Variants in JMY observed in about 807,000 individuals in gnomAD.
JMY encodes junction-mediating and -regulatory protein.
In JMY, 46 loss-of-function variants were observed where a neutral mutation model predicts 103.3. The ratio of observed to expected loss-of-function variants is 0.45; its 90% CI spans 0.35 to 0.57. The LOEUF (loss-of-function observed/expected upper bound fraction) is 0.57, where lower values mean the gene tolerates loss of function less well. Among genes scored for constraint, JMY ranks in the 20% least tolerant of loss-of-function variants. The pLI, the probability that JMY is intolerant of heterozygous loss-of-function variation, is 0.00. For synonymous variants in JMY, 526 were observed against 489.3 expected, an observed-to-expected ratio of 1.07 and a Z score of -0.99; for missense variants, 1,238 against 1,255.2, an observed-to-expected ratio of 0.99 and a Z score of 0.21.
chr5:79,238,904 C>T (rs1270199263), intron 1 of JMY, among the ~76,000 whole-genome samples: 1 of 152,140 alleles, frequency 6.6e-6, no homozygotes, highest in African/African-American at 2.4e-5. Flanking sequence ...ACCTCGTGAT[C>T]CGCCCGCCTC....
chr5:79,325,799 A>G lies in JMY; in HGVS notation c.*4197A>G, dbSNP rs1747621129. On this transcript the variant is annotated 3_prime_UTR_variant, in exon 11 of 11. Coordinates refer to ENST00000396137, the MANE Select transcript of JMY (RefSeq NM_152405.5). ...TAGTGTAATTTAAAAGTTTTCCTAC[A>G]AAGTGAGTTTATATTGTTGCCTAAA... 6.6e-6 allele frequency: 1 copy of G among 152,170 alleles called. No individual in the cohort carries two copies. The highest frequency in any genetic ancestry group is 6.5e-5 in the Admixed American group (1 of 15,270). The allele number at this position is 152,170 out of a possible 1,614,324, so 9.4% of individuals were successfully genotyped here.
At chr5:79,258,311 G>GTTTTTTTTTTTTTTT (rs1491360478) in intron 1 of JMY, among the ~76,000 whole-genome samples, 2 of 81,810 alleles carry the variant, frequency 2.4e-5, no homozygotes, top group African/African-American at 6.4e-5. Context: ...TTTTGTTTTT[G>GTTTTTTTTTTTTTTT]TTGTTTTTTT....
intron 4 of JMY, among the ~76,000 whole-genome samples, chr5:79,294,104 A>G (rs1324219110): frequency 1.3e-5 from 2 of 152,224 alleles, no homozygotes; most frequent in Non-Finnish European, 2.9e-5. Flanking sequence ...TGATGATAAA[A>G]TTAAAATGCC....
At chr5:79,302,655 C>G (rs1328681638) in intron 6 of JMY, among the ~76,000 whole-genome samples, 1 of 152,146 alleles carries the variant, frequency 6.6e-6, no homozygotes, top group African/African-American at 2.4e-5. Context: ...GGGCGGGGAC[C>G]AAGTTATGGG....
intron 10 of JMY, among the ~76,000 whole-genome samples, chr5:79,318,180 T>TC (rs1747302882): frequency 6.6e-6 from 1 of 150,952 alleles, no homozygotes; most frequent in Admixed American, 6.6e-5. Flanking sequence ...TTTTCTTTTT[T>TC]TTTTTTGTAT....
At chr5:79,250,847 C>T (rs190698756) in intron 1 of JMY, among the ~76,000 whole-genome samples, 83 of 151,706 alleles carry the variant, frequency 5.5e-4, no homozygotes, top group Non-Finnish European at 2.9e-4. Context: ...TTTCATTGCA[C>T]TTTTACATGT....
intron 1 of JMY, among the ~76,000 whole-genome samples, chr5:79,251,489 T>C (rs1355555190): frequency 2.6e-5 from 4 of 152,192 alleles, no homozygotes; most frequent in African/African-American, 9.7e-5. Context: ...TGCATAATAA[T>C]CAAATCATGA....
intron 1 of JMY, among the ~76,000 whole-genome samples, chr5:79,267,969 G>A (rs1379373110): frequency 6.6e-6 from 1 of 152,184 alleles, no homozygotes; most frequent in Non-Finnish European, 1.5e-5. Context: ...GAGTGGGCTG[G>A]ACATAGTGGC....
intron 1 of JMY, among the ~76,000 whole-genome samples, chr5:79,271,157 A>G (rs1219777366): frequency 6.6e-6 from 1 of 151,050 alleles, no homozygotes; most frequent in African/African-American, 2.4e-5. Flanking sequence ...CCTTGACTTC[A>G]CAGGGTCAAG....
chr5:79,248,522 T>C (rs1010688699), intron 1 of JMY, among the ~76,000 whole-genome samples: 1 of 151,874 alleles, frequency 6.6e-6, no homozygotes, highest in African/African-American at 2.4e-5. Flanking sequence ...TTGGCCAGGC[T>C]GATCTCAAAC....
Position 79,236,779 on chromosome 5 carries a change from C to T in JMY, c.129C>T (p.Ala43=). 1 of 1,511,404 alleles carries T rather than the reference C, an allele frequency of 6.6e-7. No homozygotes were observed. 93.6% of individuals were successfully genotyped at this position (1,511,404 alleles called of 1,614,324 possible). Residue 43 remains alanine (A), a synonymous_variant, in exon 1 of 11, where the codon GCC becomes GCT. Coordinates refer to ENST00000396137, the MANE Select transcript of JMY (RefSeq NM_152405.5). ...VAWNEIEGKF[A]ITCHNRTAQR... ...GGAACGAGATTGAGGGCAAGTTTGC[C>T]ATAACCTGCCACAACCGGACGGCCC...
At chr5:79,243,337 G>A (rs1370240578) in intron 1 of JMY, among the ~76,000 whole-genome samples, 1 of 152,136 alleles carries the variant, frequency 6.6e-6, no homozygotes, top group Non-Finnish European at 1.5e-5. Context: ...TTAGAGAAAT[G>A]ACAGTACTTT....
intron 1 of JMY, among the ~76,000 whole-genome samples, chr5:79,254,346 G>A (rs1258891260): frequency 6.6e-6 from 1 of 152,098 alleles, no homozygotes; most frequent in Non-Finnish European, 1.5e-5. Flanking sequence ...CAGGTCTGGT[G>A]TTAATGAAAT....
chr5:79,247,475 A>C (rs771147171), intron 1 of JMY, among the ~76,000 whole-genome samples: 3 of 151,368 alleles, frequency 2.0e-5, no homozygotes, highest in African/African-American at 7.3e-5. Context: ...CACCTGGCTA[A>C]TTTTTTGTAT....
In JMY at chr5:79,237,086, G is replaced by T. The variant is rs61730053; in HGVS notation, c.436G>T (p.Ala146Ser). The T allele has an allele frequency of 9.0e-4, 1,398 of 1,546,942 alleles. 8 individuals are homozygous for T. The African/African-American group carries it at 0.017, about 18-fold the overall frequency. Residue 146 changes from alanine (A) to serine (S), a missense_variant, in exon 1 of 11, where the codon GCC becomes TCC. Coordinates refer to ENST00000396137, the MANE Select transcript of JMY (RefSeq NM_152405.5). ...GAGTCGTCTTAGGAGCCCAGTGCGG[G>T]CCAAACCCATCCCGGGTCAGAAAAC... ...AESRLRSPVR[A>S]KPIPGQKTSE...
At chr5:79,255,322 C>G (rs187105350) in intron 1 of JMY, among the ~76,000 whole-genome samples, 75 of 152,244 alleles carry the variant, frequency 4.9e-4, no homozygotes, top group East Asian at 7.8e-4. Context: ...GTCTGGAACT[C>G]CTGACCTCAA....
intron 2 of JMY, 35 bp from the exon 3 acceptor site, chr5:79,290,086 T>C: frequency 2.6e-6 from 4 of 1,518,666 alleles, no homozygotes; most frequent in Non-Finnish European, 3.5e-6. Flanking sequence ...GAAGAAAGAC[T>C]TGAACTTCTT....
intron 1 of JMY, among the ~76,000 whole-genome samples, chr5:79,254,148 T>A (rs972688539): frequency 6.7e-6 from 1 of 148,222 alleles, no homozygotes; most frequent in African/African-American, 2.5e-5. Flanking sequence ...AGAGACGGGG[T>A]TTCGCGATGT....
rs74291613 is a variant in JMY at position 79,301,778 on chromosome 5, A to G, written c.1881+915A>G. 3.1e-4 allele frequency among the ~76,000 whole-genome samples: 47 copies of G among 152,186 alleles called. No homozygotes were observed. The East Asian group carries it at 5.8e-3, about 19-fold the overall frequency. ...GTTGTGAGCTTCATTTCACGTTCCA[A>G]TCTGCACCAACCAGGTAAACATTGC... On this transcript the variant is annotated intron_variant, in intron 6 of 10. Coordinates refer to ENST00000396137, the MANE Select transcript of JMY (RefSeq NM_152405.5).
Sources: allele counts gnomAD v4.1 joint callset (sites outside exome capture counted in the v4.1 genomes callset), GRCh38; gene constraint gnomAD v4.1.1; transcripts MANE v1.5; gene names NCBI Gene and HGNC (gene_info 2026-07-23, HGNC 2026-07-21).